TTC3: variants seen among roughly 807,000 people sequenced by gnomAD.
TTC3 encodes E3 ubiquitin-protein ligase TTC3.
Under a neutral mutation model 249.6 loss-of-function variants are expected in TTC3, and 180 were observed. The ratio of observed to expected loss-of-function variants is 0.72; its 90% CI spans 0.64 to 0.82. The LOEUF (loss-of-function observed/expected upper bound fraction) is 0.82. Among genes scored for constraint, TTC3 ranks in the 40% least tolerant of loss-of-function variants. The pLI is 0.00. For synonymous variants in TTC3, 717 were observed against 805.0 expected (o/e 0.89, Z 1.85); for missense variants, 2,061 against 2,398.4 (o/e 0.86, Z 2.94).
intron 34 of TTC3, among the ~76,000 whole-genome samples, chr21:37,171,703 A>G (rs778396084): frequency 6.6e-6 from 1 of 152,210 alleles, no homozygotes; most frequent in Non-Finnish European, 1.5e-5. Context: ...TATAGTACTA[A>G]ACTTTCGGTC....
rs775721707 is a variant in TTC3 at position 37,192,098 on chromosome 21, C to A, written c.5116-14C>A. 1 of 1,544,450 alleles carries A rather than the reference C, an allele frequency of 6.5e-7. No individual in the cohort carries two copies. The highest frequency in any genetic ancestry group is 8.8e-7 in the Non-Finnish European group (1 of 1,130,604). The stretch of plus-strand genomic sequence containing the variant: ...ACAATTGTGGTTTTCCCACACTTTA[C>A]TTTCTACTCACAGTCTCAGTTTGAA... On this transcript the variant is annotated splice_polypyrimidine_tract_variant and intron_variant, in intron 40 of 45. Transcript: ENST00000355666.
At position 37,133,240 on chromosome 21, in the gene TTC3, TTTAAC is replaced by T. The variant is rs541271832; in HGVS notation, c.1443+479_1443+483del. On this transcript the variant is annotated intron_variant, in intron 17 of 45. Coordinates refer to ENST00000355666, the Ensembl canonical transcript of TTC3. ...GGGCAAACTTTTATTCTTTAAATGA[TTTAAC>T]TTAATCAGATAATGTTGTATATAAA... 2.4e-3 allele frequency among the ~76,000 whole-genome samples: 364 copies of T among 152,324 alleles called. 1 individual carries two copies. Among genetic ancestry groups the T allele is most frequent in the Non-Finnish European group, 3.8e-3 (259 of 68,030 alleles).
chr21:37,195,853 C>T (rs749396052), exon 42 of TTC3: 1 of 1,614,252 alleles, frequency 6.2e-7, no homozygotes, highest in East Asian at 2.2e-5. Context: ...CCTGGTCAGC[C>T]TGAAGCCACT....
At chr21:37,147,901 G>A (rs2079122188) in intron 22 of TTC3, among the ~76,000 whole-genome samples, 1 of 152,026 alleles carries the variant, frequency 6.6e-6, no homozygotes, top group African/African-American at 2.4e-5. Context: ...GCTAATTTTT[G>A]CATTTTTAGT....
chr21:37,117,630 A>G (rs904016591), intron 11 of TTC3, among the ~76,000 whole-genome samples: 26 of 152,254 alleles, frequency 1.7e-4, no homozygotes, highest in Non-Finnish European at 2.1e-4. Flanking sequence ...TCACTCCTGT[A>G]ATCCCAGCAC....
Position 37,201,692 on chromosome 21 carries a change from A to G in TTC3, c.*118A>G, listed in dbSNP as rs557923983. On this transcript the variant is annotated 3_prime_UTR_variant, in exon 46 of 46. Coordinates refer to ENST00000355666, the Ensembl canonical transcript of TTC3. ...CTTGTGCATTGTGTGTCACAAAGCTAAATACATGGAAATCGTTAATATCGC... is the reference window on the plus strand; with the variant it reads ...CTTGTGCATTGTGTGTCACAAAGCTGAATACATGGAAATCGTTAATATCGC... 378 of 1,275,024 alleles carry G rather than the reference A, an allele frequency of 3.0e-4. 5 individuals carry two copies. In the South Asian group the frequency reaches 5.3e-3, roughly 18 times the overall value. The allele number at this position is 1,275,024 out of a possible 1,614,324, so 79.0% of individuals were successfully genotyped here.
Position 37,091,514 on chromosome 21 carries a change from A to T in TTC3, c.601+101A>T, listed in dbSNP as rs1319900261. The T allele has an allele frequency of 4.9e-6, 5 of 1,029,410 alleles. No individual in the cohort carries two copies. In the African/African-American group the frequency reaches 5.1e-5, roughly 11 times the overall value. 63.8% of individuals were successfully genotyped at this position (1,029,410 alleles called of 1,614,324 possible). Reference sequence around the variant, plus strand: ...TGATTTCTGATTTATCTTAGAATTTAAAAAAAGTTTTTATTTTGTTATATA... The same window carrying T: ...TGATTTCTGATTTATCTTAGAATTTTAAAAAAGTTTTTATTTTGTTATATA... On this transcript the variant is annotated intron_variant, in intron 7 of 45. Transcript: ENST00000355666.
chr21:37,202,501 C>A (rs2085588364), exon 46 of TTC3: 1 of 152,282 alleles, frequency 6.6e-6, no homozygotes, highest in Non-Finnish European at 1.5e-5. Flanking sequence ...CCCCACCCCA[C>A]CACAAAAAGA....
At chr21:37,087,215 A>G in intron 1 of TTC3, 32 bp from the exon 2 acceptor site, 1 of 1,602,766 alleles carries the variant, frequency 6.2e-7, no homozygotes, top group Non-Finnish European at 8.5e-7. Context: ...AAATGATTTA[A>G]TTACTGACTT....
At chr21:37,164,291 G>A in intron 32 of TTC3, 76 bp downstream of exon 32, 6 of 1,320,652 alleles carry the variant, frequency 4.5e-6, no homozygotes, top group Non-Finnish European at 5.0e-6. Context: ...TGTTTAATTT[G>A]TGCCTGTTTT....
intron 26 of TTC3, among the ~76,000 whole-genome samples, chr21:37,152,594 G>T (rs1457393063): frequency 1.3e-5 from 2 of 151,994 alleles, no homozygotes; most frequent in East Asian, 3.9e-4. Flanking sequence ...CACCGTGTTA[G>T]CCAGGATGGT....
In TTC3 at chr21:37,121,980, G is replaced by A; in HGVS notation, c.1063+1G>A. 3 of 1,601,434 alleles carry A rather than the reference G, an allele frequency of 1.9e-6. No individual in the cohort carries two copies. The highest frequency in any genetic ancestry group is 2.6e-6 in the Non-Finnish European group (3 of 1,174,710). ...CAAAAACAAATAGAAGACCTACAAG[G>A]TATTTCACCTAAGATTCTTTTGGTT... is the stretch of plus-strand genomic sequence containing the variant. On this transcript the variant is annotated splice_donor_variant, in intron 12 of 45. Transcript: ENST00000355666. LOFTEE classifies it high-confidence loss of function.
chr21:37,168,726 TC>T (rs1379365409), intron 34 of TTC3, among the ~76,000 whole-genome samples: 2 of 434 alleles, frequency 4.6e-3, no homozygotes, highest in East Asian at 0.1. Flanking sequence ...ACAAACAACC[TC>T]AAAAGCTAGT....
chr21:37,181,739 G>A (rs914676156), intron 35 of TTC3, among the ~76,000 whole-genome samples: 1 of 152,176 alleles, frequency 6.6e-6, no homozygotes, highest in African/African-American at 2.4e-5. Flanking sequence ...TGGTGTCTAA[G>A]GCTGAAGAGG....
chr21:37,182,273 A>T (rs1036726037), intron 35 of TTC3, among the ~76,000 whole-genome samples: 1 of 152,238 alleles, frequency 6.6e-6, no homozygotes, highest in African/African-American at 2.4e-5. Context: ...GTGGTGCTGT[A>T]CCAAACCCTC....
intron 11 of TTC3, among the ~76,000 whole-genome samples, chr21:37,109,536 G>C (rs1214888882): frequency 2.0e-5 from 3 of 152,230 alleles, no homozygotes; most frequent in African/African-American, 7.2e-5. Flanking sequence ...CATTGCTCAG[G>C]CTTGAGTAGG....
intron 5 of TTC3, among the ~76,000 whole-genome samples, 192 bp from the exon 6 acceptor site, chr21:37,090,041 A>G (rs1179108210): frequency 6.6e-6 from 1 of 152,020 alleles, no homozygotes; most frequent in Non-Finnish European, 1.5e-5. Flanking sequence ...TACTGCTAGA[A>G]CCCTATTGGA....
exon 3 of TTC3, chr21:37,087,846 A>T (rs2072712845): frequency 6.3e-7 from 1 of 1,594,708 alleles, no homozygotes; most frequent in Non-Finnish European, 8.6e-7. Context: ...GTGCAATATA[A>T]AGATTATATC....
At chr21:37,080,530 G>A (rs990352185) in intron 1 of TTC3, among the ~76,000 whole-genome samples, 1 of 151,798 alleles carries the variant, frequency 6.6e-6, no homozygotes, top group African/African-American at 2.4e-5. Context: ...TATTAATTTT[G>A]GTTTATCCTA....
Sources: allele counts gnomAD v4.1 joint callset (sites outside exome capture counted in the v4.1 genomes callset), GRCh38; gene constraint gnomAD v4.1.1; transcripts MANE v1.5; gene names NCBI Gene and HGNC (gene_info 2026-07-23, HGNC 2026-07-21).